Variants in OCA2 observed in about 807,000 individuals in gnomAD.
OCA2 encodes the protein P protein.
In OCA2, 77 loss-of-function variants were observed where a neutral mutation model predicts 100.2. That is an observed-to-expected ratio of 0.77 (90% confidence interval 0.64 to 0.93). OCA2 has a LOEUF of 0.93. Ranked by LOEUF, OCA2 falls within the 40% of genes least tolerant of loss-of-function variation. The pLI, the probability that OCA2 is intolerant of heterozygous loss-of-function variation, is 0.00. For synonymous variants in OCA2, 432 were observed against 439.2 expected (o/e 0.98, Z 0.21); for missense variants, 1,062 against 1,089.1 (o/e 0.98, Z 0.35).
intron 2 of OCA2, among the ~76,000 whole-genome samples, chr15:28,053,054 A>C (rs1279614722): frequency 6.6e-6 from 1 of 152,248 alleles, no homozygotes; most frequent in East Asian, 1.9e-4. Context: ...GATCAGAATG[A>C]AAATATTAAA....
At chr15:28,098,124 C>G (rs988528246) in intron 1 of OCA2, among the ~76,000 whole-genome samples, 1 of 152,174 alleles carries the variant, frequency 6.6e-6, no homozygotes, top group African/African-American at 2.4e-5. Flanking sequence ...TAGGCATTTG[C>G]TTTTCATCAG....
intron 6 of OCA2, among the ~76,000 whole-genome samples, chr15:28,020,662 T>G (rs1341279535): frequency 6.6e-6 from 1 of 151,970 alleles, no homozygotes. Flanking sequence ...ACACAGCTCT[T>G]CGGTTCTCTC....
chr15:27,801,952 T>C (rs1338436986), intron 23 of OCA2, among the ~76,000 whole-genome samples: 5 of 152,164 alleles, frequency 3.3e-5, no homozygotes, highest in Non-Finnish European at 7.4e-5. Context: ...AAATAGCCAA[T>C]GCATTTTACT....
At chr15:27,871,388 C>T in intron 20 of OCA2, 130 bp from the exon 21 acceptor site, 1 of 726,800 alleles carries the variant, frequency 1.4e-6, no homozygotes, top group South Asian at 1.5e-5. Context: ...CCAAGGCAGA[C>T]ATAGGTGTGC....
intron 1 of OCA2, among the ~76,000 whole-genome samples, chr15:28,092,864 T>C (rs2044893635): frequency 6.6e-6 from 1 of 152,052 alleles, no homozygotes; most frequent in Admixed American, 6.5e-5. Context: ...TCAGACCTAT[T>C]AAAGAACATC....
At chr15:28,069,354 TGCCCTC>T (rs1566862208) in intron 2 of OCA2, among the ~76,000 whole-genome samples, 3 of 101,052 alleles carry the variant, frequency 3.0e-5, no homozygotes, top group African/African-American at 1.2e-4. Flanking sequence ...ATGAAACACC[TGCCCTC>T]TCCCTCTCCC....
At chr15:28,063,643 G>C (rs1331346748) in intron 2 of OCA2, among the ~76,000 whole-genome samples, 2 of 152,056 alleles carry the variant, frequency 1.3e-5, no homozygotes, top group Admixed American at 6.6e-5. Context: ...TTTAGAACTA[G>C]TGCCAACTTA....
At chr15:27,720,973 T>C in the OCA2 span, among the ~76,000 whole-genome samples, 1 of 152,262 alleles carries the variant, frequency 6.6e-6, no homozygotes, top group East Asian at 1.9e-4. Flanking sequence ...ATGAACATGA[T>C]GAGCAGGACG....
At chr15:27,772,840 CA>C (rs55814100) in intron 23 of OCA2, among the ~76,000 whole-genome samples, 180 of 122,744 alleles carry the variant, frequency 1.5e-3, no homozygotes, top group Middle Eastern at 4.8e-3. Context: ...GACTCTATCT[CA>C]AAAAAAAAAA....
At chr15:27,835,300 A>G (rs968664650) in intron 23 of OCA2, among the ~76,000 whole-genome samples, 21 of 152,312 alleles carry the variant, frequency 1.4e-4, no homozygotes, top group South Asian at 6.2e-4. Flanking sequence ...TCCATCCCAC[A>G]TGATTTATCC....
At chr15:28,055,745 G>A (rs918875216) in intron 2 of OCA2, among the ~76,000 whole-genome samples, 2 of 152,138 alleles carry the variant, frequency 1.3e-5, no homozygotes, top group African/African-American at 4.8e-5. Flanking sequence ...CAGCCTCCTC[G>A]AGGGCCACCT....
At chr15:27,791,930 C>T (rs958723677) in intron 23 of OCA2, among the ~76,000 whole-genome samples, 28 of 152,332 alleles carry the variant, frequency 1.8e-4, no homozygotes, top group African/African-American at 5.5e-4. Flanking sequence ...CTCAAGCCCA[C>T]GATGTTCCCT....
intron 18 of OCA2, among the ~76,000 whole-genome samples, 166 bp from the exon 19 acceptor site, chr15:27,926,420 A>G (rs1450434340): frequency 6.6e-6 from 1 of 151,632 alleles, no homozygotes; most frequent in African/African-American, 2.4e-5. Context: ...TATACTCATG[A>G]AACCAACACT....
intron 2 of OCA2, among the ~76,000 whole-genome samples, chr15:28,079,441 C>G (rs1310631705): frequency 6.6e-6 from 1 of 152,166 alleles, no homozygotes; most frequent in Non-Finnish European, 1.5e-5. Flanking sequence ...CACACACCTG[C>G]CCAGGAGTGT....
In OCA2 at chr15:27,784,893, C is replaced by CAG. The variant is rs55682306; in HGVS notation, c.2433-29423_2433-29422dup. On this transcript the variant is annotated intron_variant, in intron 23 of 23. Coordinates refer to ENST00000354638, the MANE Select transcript of OCA2 (RefSeq NM_000275.3). ...AATCTAAGAAGCAGAAAGAGAGAGA[C>CAG]AGAGAGAGAGAGAGAGAGAGAGAAA... 4.2e-3 allele frequency among the ~76,000 whole-genome samples: 619 copies of CAG among 148,552 alleles called. 7 individuals carry two copies. The highest frequency in any genetic ancestry group is 9.7e-3 in the African/African-American group (396 of 40,720).
At chr15:27,761,843 G>T (rs988736791) in intron 23 of OCA2, among the ~76,000 whole-genome samples, 1 of 152,030 alleles carries the variant, frequency 6.6e-6, no homozygotes, top group Non-Finnish European at 1.5e-5. Context: ...TTTTTTTTAA[G>T]ATATGGGGTC....
At chr15:27,989,749 C>T in intron 10 of OCA2, 83 bp from the exon 11 acceptor site, 2 of 1,239,330 alleles carry the variant, frequency 1.6e-6, no homozygotes, top group South Asian at 1.3e-5. Context: ...CCCCCTGCTG[C>T]AGACCCACTC....
At chr15:28,093,554 T>TA (rs139752788) in intron 1 of OCA2, among the ~76,000 whole-genome samples, 2,509 of 151,578 alleles carry the variant, frequency 0.017, 66 homozygotes, top group African/African-American at 0.057. Context: ...TGACAGTTTT[T>TA]AAAAAAAAAC....
chr15:27,997,167 G>A (rs1417289385), intron 9 of OCA2, among the ~76,000 whole-genome samples: 31 of 147,192 alleles, frequency 2.1e-4, no homozygotes, highest in African/African-American at 2.5e-4. Context: ...AGAAAGGAAG[G>A]AAGGAAGGAG....
Sources: allele counts gnomAD v4.1 joint callset (sites outside exome capture counted in the v4.1 genomes callset), GRCh38; gene constraint gnomAD v4.1.1; transcripts MANE v1.5; gene names NCBI Gene and HGNC (gene_info 2026-07-23, HGNC 2026-07-21).